PTPN2: variants seen among roughly 807,000 people sequenced by gnomAD.
PTPN2 encodes the protein tyrosine-protein phosphatase non-receptor type 2.
Under a neutral mutation model 57.3 loss-of-function variants are expected in PTPN2, and 19 were observed. The ratio of observed to expected loss-of-function variants is 0.33; its 90% CI spans 0.23 to 0.49. The LOEUF is 0.49. PTPN2 is among the 20% of genes least tolerant of loss of function. PTPN2 has a pLI of 0.99. For synonymous variants in PTPN2, 153 were observed against 164.9 expected (o/e 0.93, Z 0.55); for missense variants, 358 against 501.1 (o/e 0.71, Z 2.73).
chr18:12,853,296 T>C (rs1208842726), intron 2 of PTPN2, among the ~76,000 whole-genome samples: 1 of 152,146 alleles, frequency 6.6e-6, no homozygotes, highest in Non-Finnish European at 1.5e-5. Context: ...ACTACAGGCA[T>C]GCATCACCAC....
At chr18:12,835,980 T>C (rs1163453338) in intron 3 of PTPN2, among the ~76,000 whole-genome samples, 2 of 152,222 alleles carry the variant, frequency 1.3e-5, no homozygotes, top group Non-Finnish European at 2.9e-5. Context: ...ATTGACGTAG[T>C]ATAATAGCTC....
rs762120431 is a variant in PTPN2, at chr18:12,870,462, TAGAG to T, written c.70-11212_70-11209del. Among the ~76,000 whole-genome samples the T allele has an allele frequency of 1.5e-3, 26 of 17,708 alleles. 2 individuals carry two copies. The highest frequency in any genetic ancestry group is 5.4e-3 in the East Asian group (1 of 186). The allele number at this position is 17,708 out of a possible 152,430, so 11.6% of individuals were successfully genotyped here. A position where few individuals can be genotyped will look rare whatever the true frequency, so the allele number is the denominator to read the frequency against. On this transcript the variant is annotated intron_variant, in intron 1 of 8. Transcript: ENST00000309660. ...ATGTGTATATATATATATATATATA[TAGAG>T]AGAGAGAGAGAGAGAGAGAGAGAGA...
chr18:12,876,420 C>T (rs990850738), intron 1 of PTPN2, among the ~76,000 whole-genome samples: 1 of 151,802 alleles, frequency 6.6e-6, no homozygotes, highest in East Asian at 1.9e-4. Context: ...GACCTACGAT[C>T]GTGCCACTGC....
intron 7 of PTPN2, among the ~76,000 whole-genome samples, chr18:12,811,117 A>G (rs2041874878): frequency 1.3e-5 from 2 of 152,286 alleles, no homozygotes; most frequent in South Asian, 4.1e-4. Flanking sequence ...CCATTATTAC[A>G]CCCTTTTTAC....
intron 7 of PTPN2, among the ~76,000 whole-genome samples, chr18:12,806,134 T>C (rs1224811529): frequency 1.3e-5 from 2 of 152,090 alleles, no homozygotes; most frequent in African/African-American, 2.4e-5. Flanking sequence ...AGTTGCAGGA[T>C]ACAAAATCAA....
intron 7 of PTPN2, among the ~76,000 whole-genome samples, chr18:12,807,725 T>C (rs1434829690): frequency 2.0e-5 from 3 of 150,668 alleles, no homozygotes; most frequent in Admixed American, 6.6e-5. Context: ...CTCACTCATA[T>C]GTGGAATCTA....
At chr18:12,835,426 A>G (rs2042829442) in intron 3 of PTPN2, among the ~76,000 whole-genome samples, 1 of 117,238 alleles carries the variant, frequency 8.5e-6, no homozygotes, top group South Asian at 2.5e-4. Flanking sequence ...CTCAGGCTGG[A>G]GTGCAGTGGC....
chr18:12,865,697 T>C (rs570766679), intron 1 of PTPN2, among the ~76,000 whole-genome samples: 18 of 151,828 alleles, frequency 1.2e-4, no homozygotes, highest in Non-Finnish European at 2.7e-4. Flanking sequence ...CGTCATGGCA[T>C]GTGTCTGTAG....
chr18:12,884,237 C>G lies in PTPN2; in HGVS notation c.-96G>C, dbSNP rs1186129849. 3 of 892,432 alleles carry G rather than the reference C, an allele frequency of 3.4e-6. No individual in the cohort carries two copies. The highest frequency in any genetic ancestry group is 4.6e-6 in the Non-Finnish European group (3 of 648,856). The allele number at this position is 892,432 out of a possible 1,614,324, so 55.3% of individuals were successfully genotyped here. On this transcript the variant is annotated 5_prime_UTR_variant, in exon 1 of 9. Transcript: ENST00000309660. ...GAGAGCGCTGGCGCTGCGGCGCATG[C>G]GCGCTGCGCGCCGCGCCCCGCCCCC...
chr18:12,820,999 C>T (rs1442547562), intron 5 of PTPN2, among the ~76,000 whole-genome samples: 1 of 152,054 alleles, frequency 6.6e-6, no homozygotes, highest in Admixed American at 6.5e-5. Context: ...AAGCATATGC[C>T]CTGTTCACAG....
chr18:12,812,916 G>T lies in PTPN2; in HGVS notation c.858+1287C>A, dbSNP rs550843814. ...ATCCTTCCTAGCCACAAACTGCACT[G>T]TCAAAGACTCCACAAAAAAGTGTGT... On this transcript the variant is annotated intron_variant, in intron 7 of 8. Transcript: ENST00000309660. Among the ~76,000 whole-genome samples, 6 of 151,888 alleles carry T rather than the reference G, an allele frequency of 4.0e-5. No homozygotes were observed. In the South Asian group the frequency reaches 1.2e-3, roughly 31 times the overall value.
At chr18:12,871,023 A>G (rs2044254407) in intron 1 of PTPN2, among the ~76,000 whole-genome samples, 1 of 152,108 alleles carries the variant, frequency 6.6e-6, no homozygotes, top group African/African-American at 2.4e-5. Flanking sequence ...ATCCATATAT[A>G]AGCCAGACTG....
chr18:12,835,354 A>G (rs2042818859), intron 3 of PTPN2, among the ~76,000 whole-genome samples: 1 of 148,316 alleles, frequency 6.7e-6, no homozygotes, highest in Non-Finnish European at 1.5e-5. Flanking sequence ...CGTTAAAATA[A>G]GACTGCAATG....
chr18:12,799,436 AAAAG>A (rs1277133938), intron 8 of PTPN2, among the ~76,000 whole-genome samples: 3 of 152,042 alleles, frequency 2.0e-5, no homozygotes, highest in Non-Finnish European at 4.4e-5. Context: ...AAAAAGAAAA[AAAAG>A]AAACTTGAAA....
chr18:12,824,644 T>C (rs1208475615), intron 5 of PTPN2, among the ~76,000 whole-genome samples: 1 of 152,192 alleles, frequency 6.6e-6, no homozygotes, highest in Non-Finnish European at 1.5e-5. Flanking sequence ...GTTTATTCTA[T>C]TACAACACAA....
chr18:12,812,765 T>C lies in PTPN2; in HGVS notation c.858+1438A>G, dbSNP rs939315731. ...TAACCCCTTGGAATGGGCAGCATGCTTTTCTGATCCTGAGTACCTGAAGGA... is the reference window on the plus strand; with the variant it reads ...TAACCCCTTGGAATGGGCAGCATGCCTTTCTGATCCTGAGTACCTGAAGGA... On this transcript the variant is annotated intron_variant, in intron 7 of 8. Transcript: ENST00000309660. 9.2e-5 allele frequency among the ~76,000 whole-genome samples: 14 copies of C among 152,304 alleles called. No individual in the cohort carries two copies. In the South Asian group the frequency reaches 2.7e-3, roughly 29 times the overall value.
chr18:12,798,363 T>C (rs560304101), intron 8 of PTPN2, among the ~76,000 whole-genome samples: 21 of 152,272 alleles, frequency 1.4e-4, no homozygotes, highest in Admixed American at 1.2e-3. Flanking sequence ...ACCCAGGTAT[T>C]AAGCCTAGTA....
chr18:12,798,752 T>C (rs369895066), intron 8 of PTPN2, among the ~76,000 whole-genome samples: 31 of 152,356 alleles, frequency 2.0e-4, no homozygotes, highest in Middle Eastern at 6.8e-3. Flanking sequence ...CAATGATTTA[T>C]ATTCTTTTGG....
At chr18:12,808,442 A>G (rs1260815849) in intron 7 of PTPN2, among the ~76,000 whole-genome samples, 3 of 152,106 alleles carry the variant, frequency 2.0e-5, no homozygotes, top group Non-Finnish European at 4.4e-5. Context: ...GTATCAAAAT[A>G]TCACACTGAA....
Sources: allele counts gnomAD v4.1 joint callset (sites outside exome capture counted in the v4.1 genomes callset), GRCh38; gene constraint gnomAD v4.1.1; transcripts MANE v1.5; gene names NCBI Gene and HGNC (gene_info 2026-07-23, HGNC 2026-07-21).